The following CNTN5 variants were observed in gnomAD, a reference collection of about 807,000 sequenced individuals.
CNTN5 encodes the protein contactin 5.
CNTN5 carries 77 observed loss-of-function variants against 129.1 expected under a neutral mutation model. That is an observed-to-expected ratio of 0.60 (90% CI 0.50 to 0.72). The LOEUF is 0.72. Among genes scored for constraint, CNTN5 ranks in the 30% least tolerant of loss-of-function variants. The probability of loss-of-function intolerance (pLI) is 0.00; values close to 1 mark genes in which losing one functional copy is unlikely to be tolerated. For missense variants in CNTN5, 1,478 were observed against 1,328.8 expected (o/e 1.11, Z -1.75); for synonymous variants, 509 against 465.6 (o/e 1.09, Z -1.20).
At chr11:99,218,234 T>A (rs1213064819) in intron 1 of CNTN5, among the ~76,000 whole-genome samples, 1 of 152,148 alleles carries the variant, frequency 6.6e-6, no homozygotes, top group East Asian at 1.9e-4. Flanking sequence ...TCCCTTTGAT[T>A]TTCCTTTGAC....
intron 3 of CNTN5, among the ~76,000 whole-genome samples, chr11:99,765,435 G>A (rs1309899298): frequency 6.6e-6 from 1 of 151,672 alleles, no homozygotes; most frequent in Non-Finnish European, 1.5e-5. Context: ...CTTTAGTAGG[G>A]ATCATAAGAC....
At chr11:99,720,991 A>G (rs1034050030) in intron 3 of CNTN5, among the ~76,000 whole-genome samples, 1 of 152,072 alleles carries the variant, frequency 6.6e-6, no homozygotes, top group African/African-American at 2.4e-5. Flanking sequence ...CTCAAAGAAG[A>G]CAAAAACAAA....
chr11:100,329,605 G>A (rs981443590), intron 21 of CNTN5, among the ~76,000 whole-genome samples: 2 of 152,214 alleles, frequency 1.3e-5, no homozygotes, highest in African/African-American at 2.4e-5. Flanking sequence ...TGGAGCAGGT[G>A]CTGATATCCA....
chr11:100,318,402 A>G (rs939218977), intron 21 of CNTN5, among the ~76,000 whole-genome samples: 2 of 152,132 alleles, frequency 1.3e-5, no homozygotes, highest in Non-Finnish European at 2.9e-5. Context: ...TATAATGCAC[A>G]TTTGCACAAG....
At chr11:99,686,973 T>C (rs1953819664) in intron 3 of CNTN5, among the ~76,000 whole-genome samples, 2 of 152,300 alleles carry the variant, frequency 1.3e-5, no homozygotes, top group East Asian at 1.9e-4. Context: ...TCACCAATTA[T>C]TTCTGCTCAG....
chr11:99,644,123 A>T (rs1465882315), intron 3 of CNTN5, among the ~76,000 whole-genome samples: 1 of 151,600 alleles, frequency 6.6e-6, no homozygotes, highest in East Asian at 1.9e-4. Context: ...ATATGCCCAT[A>T]TGCCCACTGA....
chr11:100,128,934 T>G (rs1946287367), intron 13 of CNTN5, among the ~76,000 whole-genome samples: 1 of 152,136 alleles, frequency 6.6e-6, no homozygotes, highest in South Asian at 2.1e-4. Context: ...CATGCATTAG[T>G]GTTCTGCAAT....
intron 3 of CNTN5, among the ~76,000 whole-genome samples, chr11:99,769,808 C>T (rs1347835146): frequency 1.2e-4 from 14 of 116,604 alleles, no homozygotes; most frequent in South Asian, 1.0e-3. Context: ...AGAGTGAGAC[C>T]CCGTCTCAAA....
intron 3 of CNTN5, among the ~76,000 whole-genome samples, chr11:99,630,907 C>A (rs1951323476): frequency 6.6e-6 from 1 of 152,128 alleles, no homozygotes; most frequent in South Asian, 2.1e-4. Flanking sequence ...TTGAAAAGCA[C>A]CGTGGACTGT....
chr11:99,290,083 C>T (rs73536879), intron 1 of CNTN5, among the ~76,000 whole-genome samples: 2,565 of 151,798 alleles, frequency 0.017, 83 homozygotes, highest in African/African-American at 0.059. Flanking sequence ...ACCTCCAGAA[C>T]ACTGTCCTTC....
intron 1 of CNTN5, among the ~76,000 whole-genome samples, chr11:99,262,634 T>C (rs1477756184): frequency 6.6e-6 from 1 of 151,850 alleles, no homozygotes; most frequent in Non-Finnish European, 1.5e-5. Context: ...TTTGCTTCAT[T>C]ATATTTTACA....
intron 1 of CNTN5, among the ~76,000 whole-genome samples, chr11:99,295,007 G>T (rs11219232): frequency 0.051 from 7,709 of 152,182 alleles, 631 homozygotes; most frequent in African/African-American, 0.17. Context: ...GTCATTCATA[G>T]TTTACGGTGT....
chr11:99,601,908 T>C (rs1237633608), intron 3 of CNTN5, among the ~76,000 whole-genome samples: 1 of 152,224 alleles, frequency 6.6e-6, no homozygotes, highest in Non-Finnish European at 1.5e-5. Flanking sequence ...ATATACCTTT[T>C]TAATCATATC....
At chr11:99,536,806 C>G (rs78332915) in intron 2 of CNTN5, among the ~76,000 whole-genome samples, 12,375 of 143,896 alleles carry the variant, frequency 0.086, 593 homozygotes, top group African/African-American at 0.12. Flanking sequence ...CAAAAAGAGT[C>G]ACAAAAAGAA....
At chr11:99,175,872 A>T (rs1014550063) in intron 1 of CNTN5, among the ~76,000 whole-genome samples, 7 of 152,082 alleles carry the variant, frequency 4.6e-5, no homozygotes, top group African/African-American at 1.7e-4. Context: ...AATAAACATG[A>T]TGGGTATATT....
intron 3 of CNTN5, among the ~76,000 whole-genome samples, chr11:99,816,989 A>G (rs1478221456): frequency 2.0e-5 from 3 of 152,220 alleles, no homozygotes; most frequent in Non-Finnish European, 2.9e-5. Flanking sequence ...TAGAATATCC[A>G]CTGGAAAGCA....
At chr11:99,989,277 A>G (rs1256566429) in intron 8 of CNTN5, among the ~76,000 whole-genome samples, 1 of 152,038 alleles carries the variant, frequency 6.6e-6, no homozygotes. Flanking sequence ...TTTTATTTTG[A>G]TTTAATTTCC....
chr11:99,334,862 T>G (rs1342075371), intron 2 of CNTN5, among the ~76,000 whole-genome samples: 2 of 152,174 alleles, frequency 1.3e-5, no homozygotes, highest in East Asian at 3.8e-4. Context: ...TATTTTCTTT[T>G]TAATAAAACA....
At chr11:100,275,909 C>G (rs1302598706) in intron 18 of CNTN5, among the ~76,000 whole-genome samples, 1 of 152,142 alleles carries the variant, frequency 6.6e-6, no homozygotes, top group Non-Finnish European at 1.5e-5. Context: ...TCAGGCAGCA[C>G]AGATTTAAAG....
Sources: gnomAD v4.1 joint callset for allele counts (sites outside exome capture counted in the v4.1 genomes callset) on GRCh38, gnomAD v4.1.1 for gene constraint, MANE v1.5 for transcripts, NCBI Gene and HGNC (gene_info 2026-07-23, HGNC 2026-07-21) for gene names.